TVP23A: variants seen among roughly 807,000 people sequenced by gnomAD.
TVP23A encodes trans-golgi network vesicle protein 23 homolog A.
In TVP23A, 21 loss-of-function variants were observed where a neutral mutation model predicts 31.7. The observed-to-expected ratio is 0.66, with a 90% CI of 0.47 to 0.95. TVP23A has a LOEUF of 0.95. Ranked by LOEUF, TVP23A falls within the 40% of genes least tolerant of loss-of-function variation. The probability of loss-of-function intolerance (pLI) is 0.00; values close to 1 mark genes in which losing one functional copy is unlikely to be tolerated. For synonymous variants in TVP23A, 104 were observed against 96.0 expected, an observed-to-expected ratio of 1.08 and a Z score of -0.49; for missense variants, 279 against 255.6, an observed-to-expected ratio of 1.09 and a Z score of -0.62.
At chr16:10,773,625 C>T (rs1411287792) in intron 4 of TVP23A, among the ~76,000 whole-genome samples, 184 bp from the exon 5 acceptor site, 1 of 152,178 alleles carries the variant, frequency 6.6e-6, no homozygotes, top group Non-Finnish European at 1.5e-5. Flanking sequence ...GGCTGGAGTG[C>T]AGTGGCGTGA....
chr16:10,785,216 C>T (rs968587290), intron 2 of TVP23A, among the ~76,000 whole-genome samples: 3 of 152,122 alleles, frequency 2.0e-5, no homozygotes, highest in Admixed American at 6.5e-5. Context: ...ACCAGCCTGG[C>T]CAACATGGTG....
downstream of TVP23A, among the ~76,000 whole-genome samples, chr16:10,758,449 C>T (rs953823884): frequency 2.0e-5 from 3 of 152,144 alleles, no homozygotes; most frequent in African/African-American, 4.8e-5. Flanking sequence ...GTCCAGCCAG[C>T]GCAAGCGAGT....
intron 2 of TVP23A, among the ~76,000 whole-genome samples, chr16:10,794,324 C>G (rs2033268435): frequency 6.6e-6 from 1 of 152,202 alleles, no homozygotes; most frequent in Non-Finnish European, 1.5e-5. Flanking sequence ...TCTGCCTCTC[C>G]CTGTGTCTCT....
intron 2 of TVP23A, among the ~76,000 whole-genome samples, chr16:10,813,999 CAAAAAAAAAAAAAAAAA>C (rs201277067): frequency 1.4e-4 from 7 of 49,528 alleles, no homozygotes; most frequent in Admixed American, 8.1e-4. Flanking sequence ...AACTCCATCT[CAAAAAAAAAAAAAAAAA>C]AAAAAAAAAA....
downstream of TVP23A, among the ~76,000 whole-genome samples, chr16:10,758,948 G>A (rs781495892): frequency 2.0e-5 from 3 of 152,184 alleles, no homozygotes; most frequent in African/African-American, 4.8e-5. Context: ...GCAACTGCAG[G>A]CAGGACCATG....
downstream of TVP23A, among the ~76,000 whole-genome samples, chr16:10,764,580 TGTCA>T (rs1462871871): frequency 6.6e-6 from 1 of 151,584 alleles, no homozygotes; most frequent in African/African-American, 2.4e-5. Context: ...TGCTGGAGTA[TGTCA>T]GTCTATTGGA....
downstream of TVP23A, among the ~76,000 whole-genome samples, chr16:10,759,373 A>G (rs979260526): frequency 6.6e-6 from 1 of 152,252 alleles, no homozygotes; most frequent in Non-Finnish European, 1.5e-5. The surrounding 1 kb of genome is among the most constrained non-coding windows in gnomAD (Gnocchi z 4.7). Flanking sequence ...AAGGAGGAGC[A>G]GGACACCAGC....
chr16:10,804,961 C>A (rs570395204), intron 2 of TVP23A, among the ~76,000 whole-genome samples: 3 of 152,106 alleles, frequency 2.0e-5, no homozygotes, highest in African/African-American at 7.2e-5. Flanking sequence ...CCTCCCAGAT[C>A]CTGACAGCCA....
chr16:10,816,925 T>TCACACA (rs58142989), intron 2 of TVP23A, among the ~76,000 whole-genome samples: 136 of 145,908 alleles, frequency 9.3e-4, no homozygotes, highest in African/African-American at 2.0e-3. Context: ...CAGGGAAACT[T>TCACACA]CACACACACA....
rs375924724 is a variant in TVP23A, at chr16:10,783,870, G to A, written c.90-8774C>T. Among the ~76,000 whole-genome samples the A allele has an allele frequency of 7.9e-5, 12 of 152,244 alleles. 1 individual carries two copies. In the East Asian group the frequency reaches 1.5e-3, roughly 20 times the overall value. ...GTATGGACAACTTCCACTATACAAC[G>A]TTCTGGAAAAGGCAACACTCTAGAG... On this transcript the variant is annotated intron_variant, in intron 2 of 7. Coordinates refer to ENST00000299866, the MANE Select transcript of TVP23A (RefSeq NM_001079512.4).
Position 10,766,715 on chromosome 16 carries a change from A to G in TVP23A, c.*2387T>C. 2.6e-6 allele frequency: 1 copy of G among 387,282 alleles called. No homozygotes were observed. The highest frequency in any genetic ancestry group is 4.6e-6 in the Non-Finnish European group (1 of 219,552). 24.0% of individuals were successfully genotyped at this position (387,282 alleles called of 1,614,324 possible). A position where few individuals can be genotyped will look rare whatever the true frequency, so the allele number is the denominator to read the frequency against. ...AGGGATTTATTGAAAATGAAAGTCA[A>G]CTCCACGGTGTGGGAGGAGAACGGG... On this transcript the variant is annotated 3_prime_UTR_variant, in exon 8 of 8. Coordinates refer to ENST00000299866, the MANE Select transcript of TVP23A (RefSeq NM_001079512.4). This position sits in a 1 kb window ranked among gnomAD's most constrained non-coding sequence, Gnocchi z 4.8.
rs141977887 is a variant in TVP23A at position 10,812,229 on chromosome 16, G to C, written c.89+5874C>G. ...AATACCATGGTTATCACACCCATGA[G>C]GTGGTTACTATCAAAAACACAGTCA... On this transcript the variant is annotated intron_variant, in intron 2 of 7. Transcript: ENST00000299866. Among the ~76,000 whole-genome samples the C allele has an allele frequency of 3.9e-3, 591 of 152,312 alleles. 8 individuals are homozygous for C. The highest frequency in any genetic ancestry group is 0.035 in the Admixed American group (534 of 15,294).
chr16:10,801,972 C>T (rs558924641), intron 2 of TVP23A, among the ~76,000 whole-genome samples: 28 of 151,672 alleles, frequency 1.8e-4, no homozygotes, highest in South Asian at 1.0e-3. Flanking sequence ...GGAGCCCTGG[C>T]GCAATATAGC....
chr16:10,814,904 C>T (rs2034367396), intron 2 of TVP23A, among the ~76,000 whole-genome samples: 3 of 148,364 alleles, frequency 2.0e-5, no homozygotes, highest in Admixed American at 6.6e-5. Context: ...CCACGCAGGC[C>T]ACTTCCCAGC....
downstream of TVP23A, among the ~76,000 whole-genome samples, chr16:10,763,291 C>T (rs186493435): frequency 4.3e-4 from 65 of 151,916 alleles, 1 homozygote; most frequent in South Asian, 4.2e-4. Flanking sequence ...GCCAAGGGGC[C>T]GTGCAGAAAG....
downstream of TVP23A, chr16:10,766,541 C>T (rs973642478): frequency 6.3e-6 from 1 of 159,954 alleles, no homozygotes; most frequent in African/African-American, 2.4e-5. The surrounding 1 kb of genome is among the most constrained non-coding windows in gnomAD (Gnocchi z 4.8). Context: ...CCCAACCTCC[C>T]AGGTCTGGCC....
chr16:10,784,769 T>C (rs2032644781), intron 2 of TVP23A, among the ~76,000 whole-genome samples: 1 of 152,048 alleles, frequency 6.6e-6, no homozygotes, highest in Non-Finnish European at 1.5e-5. Flanking sequence ...ATATGAACTT[T>C]CTCCTCAAAC....
chr16:10,769,263 T>C lies in TVP23A; in HGVS notation c.*1-162A>G, dbSNP rs15379. 5,416 of 616,802 alleles carry C rather than the reference T, an allele frequency of 8.8e-3. 232 individuals are homozygous for C. The highest frequency in any genetic ancestry group is 0.088 in the African/African-American group (4,723 of 53,860). 38.2% of individuals were successfully genotyped at this position (616,802 alleles called of 1,614,324 possible). A position where few individuals can be genotyped will look rare whatever the true frequency, so the allele number is the denominator to read the frequency against. ...CACTTTCTCAGAGACACTTTAATCA[T>C]TGAGTATTTGTACACTTTTCTTTAG... On this transcript the variant is annotated intron_variant, in intron 7 of 7. Transcript: ENST00000299866.
At chr16:10,774,598 T>TTCTC (rs146066049) in intron 3 of TVP23A, among the ~76,000 whole-genome samples, 60,976 of 140,518 alleles carry the variant, frequency 0.43, 14,362 homozygotes, top group African/African-American at 0.59. Context: ...TTGGCTCTCA[T>TTCTC]TCTCTCTCTT....
Sources: allele counts gnomAD v4.1 joint callset (sites outside exome capture counted in the v4.1 genomes callset), GRCh38; gene constraint gnomAD v4.1.1; non-coding constraint Gnocchi (gnomAD v3.1); transcripts MANE v1.5; gene names NCBI Gene and HGNC (gene_info 2026-07-23, HGNC 2026-07-21).